The following AP4E1 variants were observed in gnomAD, a reference collection of about 807,000 sequenced individuals.
The protein encoded by AP4E1 is AP-4 complex subunit epsilon-1.
Under a neutral mutation model 128.2 loss-of-function variants are expected in AP4E1, and 56 were observed. The ratio of observed to expected loss-of-function variants is 0.44; its 90% CI spans 0.35 to 0.55. The LOEUF is 0.55. Among genes scored for constraint, AP4E1 ranks in the 20% least tolerant of loss-of-function variants. AP4E1 has a pLI of 0.00. For missense variants in AP4E1, 1,324 were observed against 1,307.7 expected (o/e 1.01, Z -0.19); for synonymous variants, 484 against 473.1 (o/e 1.02, Z -0.30).
At chr15:50,937,290 TAAAG>T (rs887746227) in intron 8 of AP4E1, among the ~76,000 whole-genome samples, 23 of 152,240 alleles carry the variant, frequency 1.5e-4, no homozygotes, top group Non-Finnish European at 1.0e-4. Context: ...TTAATTGAAT[TAAAG>T]GAAGAAGAAG....
chr15:50,908,469 C>T (rs1282409521), upstream of AP4E1: 3 of 287,750 alleles, frequency 1.0e-5, no homozygotes, highest in Non-Finnish European at 1.9e-5. Flanking sequence ...AGGGCCAGGC[C>T]CCCGACGGCT....
intron 15 of AP4E1, among the ~76,000 whole-genome samples, chr15:50,975,575 C>T (rs1263070684): frequency 6.6e-6 from 1 of 151,908 alleles, no homozygotes; most frequent in Admixed American, 6.6e-5. Context: ...GTTGTGTATT[C>T]TTGGTGTCCT....
intron 13 of AP4E1, among the ~76,000 whole-genome samples, chr15:50,952,309 G>A (rs1280597243): frequency 6.6e-6 from 1 of 151,964 alleles, no homozygotes; most frequent in Non-Finnish European, 1.5e-5. Flanking sequence ...AGGAGATCGA[G>A]ACCATCCTGG....
rs770031390 is a variant in AP4E1 at position 50,908,729 on chromosome 15, G to T, written c.-50G>T. The stretch of plus-strand genomic sequence containing the variant: ...GGCAGCGGCGGCCGGGCATGAAGCC[G>T]GGCGGCTACGGGATCGCGGGCGGCG... On this transcript the variant is annotated 5_prime_UTR_variant, in exon 1 of 21. Coordinates refer to ENST00000261842, the MANE Select transcript of AP4E1 (RefSeq NM_007347.5). 1.6e-5 allele frequency: 23 copies of T among 1,475,542 alleles called. No individual in the cohort carries two copies. The African/African-American group carries it at 2.1e-4, about 13-fold the overall frequency. 91.4% of individuals were successfully genotyped at this position (1,475,542 alleles called of 1,614,324 possible). A position where few individuals can be genotyped will look rare whatever the true frequency, so the allele number is the denominator to read the frequency against.
chr15:50,946,327 G>A (rs1323565662), intron 10 of AP4E1, among the ~76,000 whole-genome samples: 9 of 151,932 alleles, frequency 5.9e-5, no homozygotes, highest in Non-Finnish European at 4.4e-5. Context: ...AAGACCAAAC[G>A]TCTCTTATGT....
chr15:50,945,458 T>C, intron 10 of AP4E1: 2 of 774,224 alleles, frequency 2.6e-6, no homozygotes, highest in South Asian at 2.7e-5. Context: ...TTACATACTT[T>C]TGATATGTGT....
intron 13 of AP4E1, among the ~76,000 whole-genome samples, chr15:50,952,350 A>C (rs780236927): frequency 6.6e-6 from 1 of 151,886 alleles, no homozygotes; most frequent in Non-Finnish European, 1.5e-5. Flanking sequence ...CTCTACTAAA[A>C]ATACAAAAAA....
At chr15:50,929,236 GAA>G in intron 6 of AP4E1, 68 bp downstream of exon 6, 1 of 1,515,650 alleles carries the variant, frequency 6.6e-7, no homozygotes, top group Non-Finnish European at 9.1e-7. Flanking sequence ...GAATTAAAAA[GAA>G]ACAGATATTT....
At chr15:50,995,673 G>T (rs533781633) in intron 17 of AP4E1, among the ~76,000 whole-genome samples, 1 of 151,852 alleles carries the variant, frequency 6.6e-6, no homozygotes, top group Admixed American at 6.6e-5. Flanking sequence ...GGTGTGAGCC[G>T]CCATGCCCGG....
intron 15 of AP4E1, among the ~76,000 whole-genome samples, chr15:50,980,937 C>T (rs555936560): frequency 1.8e-4 from 28 of 152,312 alleles, no homozygotes; most frequent in African/African-American, 6.5e-4. Flanking sequence ...CAGAAGATGT[C>T]GTGGACTCCC....
At chr15:50,994,539 C>G (rs1197372900) in intron 17 of AP4E1, among the ~76,000 whole-genome samples, 2 of 152,154 alleles carry the variant, frequency 1.3e-5, no homozygotes, top group Non-Finnish European at 2.9e-5. Flanking sequence ...GATATTTTCT[C>G]TTAAGAAAAA....
At chr15:50,985,650 G>T (rs917034180) in intron 16 of AP4E1, among the ~76,000 whole-genome samples, 3 of 152,210 alleles carry the variant, frequency 2.0e-5, no homozygotes, top group Non-Finnish European at 4.4e-5. Flanking sequence ...TGAGGGCTCT[G>T]TTCTGTTCCA....
Position 51,003,470 on chromosome 15 carries a change from C to T in AP4E1, c.*808C>T, listed in dbSNP as rs1189039786. 6.6e-6 allele frequency: 1 copy of T among 152,250 alleles called. No homozygotes were observed. Among genetic ancestry groups the T allele is most frequent in the Non-Finnish European group, 1.5e-5 (1 of 68,042 alleles). The allele number at this position is 152,250 out of a possible 1,614,324, so 9.4% of individuals were successfully genotyped here. ...TTATGACAAATATTTTAGTTGGTTA[C>T]TACTTAGGTCCTTTTGGCAAATGAA... On this transcript the variant is annotated 3_prime_UTR_variant, in exon 21 of 21. Coordinates refer to ENST00000261842, the MANE Select transcript of AP4E1 (RefSeq NM_007347.5).
At chr15:50,966,673 G>A (rs1407745381) in intron 14 of AP4E1, among the ~76,000 whole-genome samples, 7 of 151,848 alleles carry the variant, frequency 4.6e-5, no homozygotes, top group Admixed American at 4.6e-4. Flanking sequence ...GAGTAGCTGG[G>A]ATTACAGGCA....
chr15:50,929,730 A>G (rs2063809160), intron 6 of AP4E1, among the ~76,000 whole-genome samples: 1 of 152,178 alleles, frequency 6.6e-6, no homozygotes, highest in Non-Finnish European at 1.5e-5. Context: ...CTATAACAAA[A>G]TAAAATATGC....
At chr15:50,959,308 C>T (rs968456957) in intron 14 of AP4E1, among the ~76,000 whole-genome samples, 1 of 151,618 alleles carries the variant, frequency 6.6e-6, no homozygotes, top group Admixed American at 6.6e-5. Context: ...ATTCTAAAAA[C>T]AGCAAGAGAA....
At position 51,001,202 on chromosome 15, in the gene AP4E1, A is replaced by C. The variant is rs750506196; in HGVS notation, c.3253+19A>C. On this transcript the variant is annotated intron_variant, in intron 20 of 20. Transcript: ENST00000261842. ...ATTATAGGTTTGTAGAGTTATAAAA[A>C]GGCTATTCTGTGTTTATAGGAGCTT... is the stretch of plus-strand genomic sequence containing the variant. 3.1e-6 allele frequency: 5 copies of C among 1,609,134 alleles called. No homozygotes were observed. Among genetic ancestry groups the C allele is most frequent in the Middle Eastern group, 3.3e-4 (2 of 6,072 alleles).
chr15:50,950,119 G>C lies in AP4E1; in HGVS notation c.1498G>C (p.Asp500His). 6.2e-7 allele frequency: 1 copy of C among 1,613,340 alleles called. No individual in the cohort carries two copies. The highest frequency in any genetic ancestry group is 8.5e-7 in the Non-Finnish European group (1 of 1,179,674). The change falls in exon 13 of 21, where the codon GAT (aspartate) becomes CAT (histidine). Residue 500 changes from aspartate to histidine, a missense_variant. Asp to His is a moderately conservative substitution (Grantham distance 81). Coordinates refer to ENST00000261842, the MANE Select transcript of AP4E1 (RefSeq NM_007347.5). ...YAVQSYLTLLDMENVFYPQRF... is the reference protein window; with the variant it reads ...YAVQSYLTLLHMENVFYPQRF... ...AGTTCAGTCTTATCTCACTTTACTG[G>C]ATATGGAAAATGTGTTCTATCCACA...
rs1356022980 is a variant in AP4E1, at chr15:51,003,930, G to A, written c.*1268G>A. The A allele has an allele frequency of 6.6e-6, 1 of 152,470 alleles. No individual in the cohort carries two copies. The highest frequency in any genetic ancestry group is 1.5e-5 in the Non-Finnish European group (1 of 68,042). The allele number at this position is 152,470 out of a possible 1,614,324, so 9.4% of individuals were successfully genotyped here. A position where few individuals can be genotyped will look rare whatever the true frequency, so the allele number is the denominator to read the frequency against. ...CTCATTAATCATGGCTGATAAAGAA[G>A]CTAAGGGGATTCTCCAGATCTAATA... On this transcript the variant is annotated 3_prime_UTR_variant, in exon 21 of 21. Coordinates refer to ENST00000261842, the MANE Select transcript of AP4E1 (RefSeq NM_007347.5).
Sources: allele counts gnomAD v4.1 joint callset (sites outside exome capture counted in the v4.1 genomes callset), GRCh38; gene constraint gnomAD v4.1.1; transcripts MANE v1.5; gene names NCBI Gene and HGNC (gene_info 2026-07-23, HGNC 2026-07-21).